The following CHD6 variants were observed in gnomAD, a reference collection of about 807,000 sequenced individuals.
CHD6 encodes ATP-dependent chromatin remodeler CHD6.
Under a neutral mutation model 276.9 loss-of-function variants are expected in CHD6, and 50 were observed. The observed-to-expected ratio is 0.18, with a 90% CI of 0.14 to 0.23. The LOEUF (loss-of-function observed/expected upper bound fraction) is 0.23. Ranked by LOEUF, CHD6 falls within the 10% of genes least tolerant of loss-of-function variation. The probability of loss-of-function intolerance (pLI) is 1.00; values close to 1 mark genes in which losing one functional copy is unlikely to be tolerated. For missense variants in CHD6, 2,564 were observed against 3,365.8 expected (o/e 0.76, Z 5.89); for synonymous variants, 1,173 against 1,229.3 (o/e 0.95, Z 0.96).
intron 35 of CHD6, among the ~76,000 whole-genome samples, chr20:41,413,050 T>C (rs1485052605): frequency 6.6e-6 from 1 of 152,238 alleles, no homozygotes; most frequent in Non-Finnish European, 1.5e-5. Flanking sequence ...GTGGCAATTT[T>C]TGTGGGGACA....
chr20:41,556,542 G>A (rs1001666036), intron 1 of CHD6, among the ~76,000 whole-genome samples: 2 of 152,182 alleles, frequency 1.3e-5, no homozygotes, highest in Admixed American at 6.5e-5. Context: ...TGGGTGAAAT[G>A]TGAAAATATC....
At chr20:41,581,627 G>C (rs1034493545) in intron 1 of CHD6, among the ~76,000 whole-genome samples, 4 of 149,818 alleles carry the variant, frequency 2.7e-5, no homozygotes, top group Non-Finnish European at 4.4e-5. Context: ...AGTGAGCCGA[G>C]ATCATGCCAC....
chr20:41,493,982 C>T, intron 8 of CHD6, 38 bp from the exon 9 acceptor site: 2 of 1,512,452 alleles, frequency 1.3e-6, no homozygotes, highest in Non-Finnish European at 1.8e-6. Context: ...GAAGTATGTC[C>T]CCTTGCCTCA....
intron 1 of CHD6, among the ~76,000 whole-genome samples, chr20:41,591,733 C>T (rs1054180154): frequency 6.6e-6 from 1 of 151,912 alleles, no homozygotes; most frequent in African/African-American, 2.4e-5. Flanking sequence ...CTAGAAAATA[C>T]GGCTGCAACC....
Position 41,420,925 on chromosome 20 carries a change from TTTC to T in CHD6, c.5707_5709del (p.Glu1903del). On this transcript the variant is annotated inframe_deletion, in exon 31 of 37. Coordinates refer to ENST00000373233, the MANE Select transcript of CHD6 (RefSeq NM_032221.5). ...GTTTCATCTTGGAAGCCTTGGTTCT[TTTC>T]CCTTGAGATGTTAGTAGTGGGCTCC... 2 of 1,614,176 alleles carry T rather than the reference TTTC, an allele frequency of 1.2e-6. No individual in the cohort carries two copies. Among genetic ancestry groups the T allele is most frequent in the Non-Finnish European group, 1.7e-6 (2 of 1,180,030 alleles).
chr20:41,525,550 GT>G, intron 3 of CHD6, among the ~76,000 whole-genome samples: 1 of 152,310 alleles, frequency 6.6e-6, no homozygotes, highest in East Asian at 1.9e-4. Flanking sequence ...CAGAAATTCA[GT>G]AATAGCTCTC....
chr20:41,504,023 A>C (rs2043906465), intron 5 of CHD6, among the ~76,000 whole-genome samples: 1 of 132,398 alleles, frequency 7.6e-6, no homozygotes, highest in East Asian at 2.4e-4. Flanking sequence ...GGTTGCAGTG[A>C]GCTGAGATTG....
chr20:41,416,481 A>C, intron 33 of CHD6, 107 bp downstream of exon 33: 1 of 1,060,926 alleles, frequency 9.4e-7, no homozygotes, highest in Non-Finnish European at 1.4e-6. Context: ...GGCAAAAAAA[A>C]ACCCCTATCC....
chr20:41,500,013 TCAACACTTCTATC>T (rs1232702330), intron 5 of CHD6, among the ~76,000 whole-genome samples: 1 of 152,146 alleles, frequency 6.6e-6, no homozygotes, highest in Non-Finnish European at 1.5e-5. Flanking sequence ...TAGATAACCA[TCAACACTTCTATC>T]CTCCAATCTC....
rs577203351 is a variant in CHD6 at position 41,466,830 on chromosome 20, G to A, written c.2664+6492C>T. Among the ~76,000 whole-genome samples, 7 of 152,254 alleles carry A rather than the reference G, an allele frequency of 4.6e-5. No homozygotes were observed. In the East Asian group the frequency reaches 1.2e-3, roughly 25 times the overall value. On this transcript the variant is annotated intron_variant, in intron 17 of 36. Coordinates refer to ENST00000373233, the MANE Select transcript of CHD6 (RefSeq NM_032221.5). ...GTACAGGGCAGCAACATTTTCAACC[G>A]AAACTACTCCCAGCCTCCCAGGGAT... is the stretch of plus-strand genomic sequence containing the variant.
chr20:41,502,110 C>T (rs139952914), intron 5 of CHD6, among the ~76,000 whole-genome samples: 9 of 152,248 alleles, frequency 5.9e-5, no homozygotes, highest in African/African-American at 2.2e-4. Flanking sequence ...GTCTTCTGAA[C>T]AGAAATTCTA....
chr20:41,491,762 T>C lies in CHD6; in HGVS notation c.1372A>G (p.Ser458Gly), dbSNP rs1866479473. The change falls in exon 11 of 37, where the codon AGT becomes GGT. Residue 458 changes from serine (S) to glycine (G), a missense_variant. Physicochemically the swap from Ser to Gly is moderately conservative, Grantham distance 56. Around this residue, in one of 7 missense-constraint regions of CHD6, gnomAD observed 457 missense variants for 889.0 expected, o/e 0.51. Coordinates refer to ENST00000373233, the MANE Select transcript of CHD6 (RefSeq NM_032221.5). ...AGCTGGTACTCCCGGAGCTGGTTACTGTTCTTATACTCGCGAGACTTCTCA... is the reference window on the plus strand; with the variant it reads ...AGCTGGTACTCCCGGAGCTGGTTACCGTTCTTATACTCGCGAGACTTCTCA... The part of the protein sequence containing the change: ...KLEKSREYKN[S>G]NQLREYQLEG... 1 of 1,613,824 alleles carries C rather than the reference T, an allele frequency of 6.2e-7. No individual in the cohort carries two copies. The highest frequency in any genetic ancestry group is 1.1e-5 in the South Asian group (1 of 91,082).
intron 8 of CHD6, among the ~76,000 whole-genome samples, chr20:41,494,830 T>C (rs1391207785): frequency 6.6e-6 from 1 of 152,186 alleles, no homozygotes; most frequent in Non-Finnish European, 1.5e-5. Context: ...AACTAAGAAA[T>C]TTACTACCCT....
rs778868160 is a variant in CHD6 at position 41,493,838 on chromosome 20, C to T, written c.1179+20G>A. On this transcript the variant is annotated intron_variant, in intron 9 of 36. Coordinates refer to ENST00000373233, the MANE Select transcript of CHD6 (RefSeq NM_032221.5). ...TACGTGGAAAGAAGGGAAGATGCTT[C>T]AGGAGAGGCAAATACCCACCTCCCC... 1 of 1,605,660 alleles carries T rather than the reference C, an allele frequency of 6.2e-7. No homozygotes were observed. The highest frequency in any genetic ancestry group is 8.5e-7 in the Non-Finnish European group (1 of 1,172,800).
chr20:41,604,873 A>G (rs2045811360), intron 1 of CHD6, among the ~76,000 whole-genome samples: 1 of 152,182 alleles, frequency 6.6e-6, no homozygotes, highest in East Asian at 1.9e-4. Flanking sequence ...GTATGGGCAC[A>G]TGACTACGTA....
intron 1 of CHD6, among the ~76,000 whole-genome samples, chr20:41,605,431 T>C (rs1314657083): frequency 1.3e-5 from 2 of 152,188 alleles, no homozygotes; most frequent in African/African-American, 4.8e-5. Flanking sequence ...AAGGAATTTA[T>C]TTGCCAAAGA....
At chr20:41,518,618 AAAG>A (rs1045130443) in intron 3 of CHD6, among the ~76,000 whole-genome samples, 88 of 152,322 alleles carry the variant, frequency 5.8e-4, no homozygotes, top group African/African-American at 2.0e-3. Flanking sequence ...ATTTGCAGGT[AAAG>A]AAGAAGATAC....
At chr20:41,493,973 A>C in intron 8 of CHD6, 29 bp from the exon 9 acceptor site, 1 of 1,562,084 alleles carries the variant, frequency 6.4e-7, no homozygotes, top group Middle Eastern at 1.7e-4. Flanking sequence ...AACAGTTAGG[A>C]AGTATGTCCC....
intron 1 of CHD6, among the ~76,000 whole-genome samples, chr20:41,602,414 T>C (rs898658830): frequency 1.3e-5 from 2 of 152,194 alleles, no homozygotes; most frequent in African/African-American, 4.8e-5. Context: ...CAGTTTTACC[T>C]GTGGGCTTAC....
Sources: allele counts gnomAD v4.1 joint callset (sites outside exome capture counted in the v4.1 genomes callset), GRCh38; gene constraint gnomAD v4.1.1; regional missense constraint gnomAD v4.1.1; transcripts MANE v1.5; gene names NCBI Gene and HGNC (gene_info 2026-07-23, HGNC 2026-07-21).